The following CDH2 variants were observed in gnomAD, a reference collection of about 807,000 sequenced individuals.
The protein encoded by CDH2 is cadherin 2.
In CDH2, 17 loss-of-function variants were observed where a neutral mutation model predicts 92.0. That is an observed-to-expected ratio of 0.18 (90% CI 0.13 to 0.28). The LOEUF is 0.28. Ranked by LOEUF, CDH2 falls within the 10% of genes least tolerant of loss-of-function variation. The pLI, the probability that CDH2 is intolerant of heterozygous loss-of-function variation, is 1.00. For missense variants in CDH2, 862 were observed against 1,133.1 expected (o/e 0.76, Z 3.44); for synonymous variants, 419 against 415.9 (o/e 1.01, Z -0.09).
chr18:28,118,021 T>TGG (rs2015524552), intron 2 of CDH2, among the ~76,000 whole-genome samples: 2 of 152,100 alleles, frequency 1.3e-5, no homozygotes, highest in Non-Finnish European at 2.9e-5. Context: ...TGATGTTCCA[T>TGG]CTGCATCCTT....
intron 2 of CDH2, among the ~76,000 whole-genome samples, chr18:28,112,466 C>T (rs148220492): frequency 1.8e-4 from 28 of 152,140 alleles, no homozygotes; most frequent in Admixed American, 5.9e-4. Context: ...AAGGAGGCAC[C>T]GAGGTGGTGG....
Position 28,177,058 on chromosome 18 carries a change from G to T in CDH2, c.-36C>A, listed in dbSNP as rs1338269792. 9.0e-7 allele frequency: 1 copy of T among 1,111,380 alleles called. No homozygotes were observed. Among genetic ancestry groups the T allele is most frequent in the Non-Finnish European group, 1.2e-6 (1 of 844,682 alleles). 68.8% of individuals were successfully genotyped at this position (1,111,380 alleles called of 1,614,324 possible). ...AGGGGCCGAGCGAAGAGCCGGAGGA[G>T]GCGGCGGCGGCGGCGGCGGCGGCGG... is the stretch of plus-strand genomic sequence containing the variant. On this transcript the variant is annotated 5_prime_UTR_variant, in exon 1 of 16. Coordinates refer to ENST00000269141, the MANE Select transcript of CDH2 (RefSeq NM_001792.5).
intron 2 of CDH2, among the ~76,000 whole-genome samples, chr18:28,065,234 T>C (rs549355144): frequency 6.6e-6 from 1 of 152,276 alleles, no homozygotes; most frequent in East Asian, 1.9e-4. Flanking sequence ...GACATTTCAT[T>C]GTTAAGAGAT....
At chr18:28,141,979 C>T (rs2144317112) in intron 2 of CDH2, among the ~76,000 whole-genome samples, 1 of 152,036 alleles carries the variant, frequency 6.6e-6, no homozygotes, top group South Asian at 2.1e-4. Flanking sequence ...CTCAGACCAT[C>T]CTATTTAAAT....
chr18:28,160,283 T>C (rs928930257), intron 1 of CDH2, among the ~76,000 whole-genome samples: 1 of 151,880 alleles, frequency 6.6e-6, no homozygotes, highest in African/African-American at 2.4e-5. Flanking sequence ...GATGCCACAA[T>C]CTGGGTGAAA....
chr18:28,068,825 C>A (rs2014561896), intron 2 of CDH2, among the ~76,000 whole-genome samples: 1 of 152,152 alleles, frequency 6.6e-6, no homozygotes, highest in Admixed American at 6.5e-5. Flanking sequence ...TAGATACAAC[C>A]CGATAGGGAG....
At chr18:27,942,266 G>C (rs1909156872) in intron 6 of CDH2, among the ~76,000 whole-genome samples, 1 of 152,156 alleles carries the variant, frequency 6.6e-6, no homozygotes, top group South Asian at 2.1e-4. Flanking sequence ...AAAGCTTTTT[G>C]AGAGTGAAAC....
chr18:27,964,622 AGTT>A (rs1419663420), intron 14 of CDH2, among the ~76,000 whole-genome samples: 5 of 152,188 alleles, frequency 3.3e-5, no homozygotes, highest in Admixed American at 1.3e-4. Flanking sequence ...TTTATTCGAC[AGTT>A]GTTTAACGTT....
chr18:28,062,027 C>T (rs2014413609), intron 2 of CDH2, among the ~76,000 whole-genome samples: 1 of 152,172 alleles, frequency 6.6e-6, no homozygotes, highest in South Asian at 2.1e-4. Flanking sequence ...GTACACAGCC[C>T]TCATTCCTTT....
intron 14 of CDH2, among the ~76,000 whole-genome samples, chr18:27,970,510 T>C (rs903841405): frequency 6.6e-6 from 1 of 152,224 alleles, no homozygotes; most frequent in Non-Finnish European, 1.5e-5. Flanking sequence ...CTAAAGAATA[T>C]TATTTGTTTT....
Position 28,032,233 on chromosome 18 carries a change from A to C in CDH2, c.173-18324T>G, listed in dbSNP as rs568551229. Among the ~76,000 whole-genome samples the C allele has an allele frequency of 1.7e-4, 26 of 152,216 alleles. 1 individual carries two copies. The South Asian group carries it at 5.2e-3, about 30-fold the overall frequency. The stretch of plus-strand genomic sequence containing the variant: ...CTTCTCAGTAATAATATACAAAACC[A>C]ACAACAACAGTCTGGTGTTGAGCCA... On this transcript the variant is annotated intron_variant, in intron 2 of 15. Transcript: ENST00000269141.
Position 28,003,136 on chromosome 18 carries a change from G to C in CDH2, c.881C>G (p.Ala294Gly), listed in dbSNP as rs761508961. The C allele has an allele frequency of 1.9e-6, 3 of 1,613,764 alleles. No homozygotes were observed. Among genetic ancestry groups the C allele is most frequent in the Middle Eastern group, 3.3e-4 (2 of 6,084 alleles). ...CCCATTGAGGGCATTGGGATCGTCA[G>C]CATCAATTGCTGTTACGGTCATCAC... ...TYVMTVTAID[A>G]DDPNALNGML... The change falls in exon 7 of 16, where the codon GCT (alanine) becomes GGT (glycine). Residue 294 changes from alanine to glycine, a missense_variant. By Grantham distance (60) the Ala-to-Gly change is moderately conservative. Transcript: ENST00000269141.
At chr18:28,122,438 T>C (rs1304696601) in intron 2 of CDH2, among the ~76,000 whole-genome samples, 1 of 152,194 alleles carries the variant, frequency 6.6e-6, no homozygotes, top group Non-Finnish European at 1.5e-5. Flanking sequence ...TACTGGCTTT[T>C]GTAATCTTCG....
At chr18:28,124,682 C>T (rs987923963) in intron 2 of CDH2, among the ~76,000 whole-genome samples, 1 of 152,240 alleles carries the variant, frequency 6.6e-6, no homozygotes, top group Non-Finnish European at 1.5e-5. Context: ...ATTAATTTTT[C>T]TATTTCTTAA....
chr18:28,088,718 C>T (rs763446315), intron 2 of CDH2, among the ~76,000 whole-genome samples: 36 of 152,042 alleles, frequency 2.4e-4, no homozygotes, highest in African/African-American at 5.3e-4. Flanking sequence ...CCTAAGGGGG[C>T]GGGCATGTTC....
At chr18:28,024,564 T>G (rs1283418650) in intron 2 of CDH2, among the ~76,000 whole-genome samples, 1 of 151,176 alleles carries the variant, frequency 6.6e-6, no homozygotes, top group Non-Finnish European at 1.5e-5. Context: ...CAATCTAAAT[T>G]AGAATTTAAT....
chr18:28,134,404 C>G (rs1408169911), intron 2 of CDH2, among the ~76,000 whole-genome samples: 1 of 152,026 alleles, frequency 6.6e-6, no homozygotes, highest in Non-Finnish European at 1.5e-5. Flanking sequence ...CAGAACCCGT[C>G]AGGGTTAAAA....
chr18:28,172,801 A>T (rs916474765), intron 1 of CDH2, among the ~76,000 whole-genome samples: 1 of 152,188 alleles, frequency 6.6e-6, no homozygotes, highest in Admixed American at 6.5e-5. Flanking sequence ...TAGTGTATAT[A>T]CGAACACAAC....
intron 1 of CDH2, among the ~76,000 whole-genome samples, chr18:28,159,884 T>G (rs1351164342): frequency 6.6e-6 from 1 of 152,194 alleles, no homozygotes; most frequent in East Asian, 1.9e-4. Context: ...CTCGAACTCC[T>G]GACCTCTGGT....
Sources: gnomAD v4.1 joint callset for allele counts (sites outside exome capture counted in the v4.1 genomes callset) on GRCh38, gnomAD v4.1.1 for gene constraint, MANE v1.5 for transcripts, NCBI Gene and HGNC (gene_info 2026-07-23, HGNC 2026-07-21) for gene names.